The following RUFY3 variants were observed in gnomAD, a reference collection of about 807,000 sequenced individuals.
RUFY3 encodes the protein RUN and FYVE domain containing 3.
A neutral mutation model predicts 84.0 loss-of-function variants in RUFY3; 34 were observed. The ratio of observed to expected loss-of-function variants is 0.40; its 90% CI spans 0.31 to 0.54. The LOEUF is 0.54. Ranked by LOEUF, RUFY3 falls within the 20% of genes least tolerant of loss-of-function variation. The pLI is 0.39. For missense variants in RUFY3, 507 were observed against 736.8 expected (o/e 0.69, Z 3.61); for synonymous variants, 242 against 252.9 (o/e 0.96, Z 0.41).
intron 14 of RUFY3, among the ~76,000 whole-genome samples, chr4:70,797,729 G>C (rs540521195): frequency 3.3e-5 from 5 of 152,038 alleles, no homozygotes; most frequent in Non-Finnish European, 5.9e-5. Context: ...TATAATCCCA[G>C]CTACTCGGGA....
chr4:70,740,254 G>A (rs1259040460), intron 1 of RUFY3, among the ~76,000 whole-genome samples: 2 of 152,022 alleles, frequency 1.3e-5, no homozygotes, highest in Non-Finnish European at 2.9e-5. Flanking sequence ...AGTTTCTGGG[G>A]GAGAAAAGTT....
chr4:70,769,814 GTTTTTGTTTTTGT>G (rs1726656647), intron 5 of RUFY3, among the ~76,000 whole-genome samples: 1 of 151,562 alleles, frequency 6.6e-6, no homozygotes. Context: ...TTTTTGTTTT[GTTTTTGTTTTTGT>G]TTTTTGTTTT....
At chr4:70,728,881 CT>C (rs773797760) in intron 1 of RUFY3, among the ~76,000 whole-genome samples, 4,660 of 129,102 alleles carry the variant, frequency 0.036, 62 homozygotes, top group Middle Eastern at 0.063. Context: ...TTGGATATTT[CT>C]TTTTTTTTTT....
At chr4:70,736,723 G>A (rs376791430) in intron 1 of RUFY3, among the ~76,000 whole-genome samples, 4 of 151,856 alleles carry the variant, frequency 2.6e-5, no homozygotes, top group African/African-American at 9.7e-5. Flanking sequence ...AGGCGCTTTC[G>A]ACCATGTCCG....
chr4:70,730,511 G>A lies in RUFY3; in HGVS notation c.178+7760G>A, dbSNP rs886335197. On this transcript the variant is annotated intron_variant, in intron 1 of 17. Transcript: ENST00000381006. ...CCCAGCACTTTGGGAGGCTGAGGCG[G>A]GTGGATCACCTGAGGTCAGGAGTTC... Among the ~76,000 whole-genome samples the A allele has an allele frequency of 1.4e-3, 211 of 151,234 alleles. 1 individual carries two copies. The highest frequency in any genetic ancestry group is 2.0e-3 in the Non-Finnish European group (135 of 67,900).
chr4:70,768,111 A>G (rs540528083), intron 4 of RUFY3, among the ~76,000 whole-genome samples: 258 of 152,302 alleles, frequency 1.7e-3, no homozygotes, highest in Non-Finnish European at 3.4e-3. Flanking sequence ...CTGGGATTAC[A>G]GGTGCGAACC....
intron 4 of RUFY3, among the ~76,000 whole-genome samples, chr4:70,768,078 T>C (rs1726290155): frequency 6.6e-6 from 1 of 152,084 alleles, no homozygotes; most frequent in African/African-American, 2.4e-5. Context: ...CAAGCAGTCC[T>C]CCCGCCTTGG....
At chr4:70,705,659 T>G (rs1740228559) in intron 1 of RUFY3, among the ~76,000 whole-genome samples, 2 of 152,044 alleles carry the variant, frequency 1.3e-5, no homozygotes, top group Non-Finnish European at 2.9e-5. Context: ...CCTGGCCCTG[T>G]CCCGGGTCCC....
At chr4:70,761,750 T>G (rs1725071288) in intron 1 of RUFY3, among the ~76,000 whole-genome samples, 3 of 152,202 alleles carry the variant, frequency 2.0e-5, no homozygotes, top group Admixed American at 2.0e-4. Context: ...CTTAAAAATG[T>G]GGGAGTTGAT....
upstream of RUFY3, among the ~76,000 whole-genome samples, chr4:70,721,644 A>G (rs1742312328): frequency 6.6e-6 from 1 of 152,238 alleles, no homozygotes; most frequent in Admixed American, 6.5e-5. Flanking sequence ...CTATGTAGAT[A>G]AGAATGAAAG....
At chr4:70,739,727 A>G (rs938338368) in intron 1 of RUFY3, among the ~76,000 whole-genome samples, 1 of 152,020 alleles carries the variant, frequency 6.6e-6, no homozygotes, top group African/African-American at 2.4e-5. Context: ...CCCTGTAGAA[A>G]AGGAGCTTCA....
At chr4:70,783,066 AT>A in intron 8 of RUFY3, 24 bp from the exon 9 acceptor site, 1 of 1,380,162 alleles carries the variant, frequency 7.2e-7, no homozygotes, top group Non-Finnish European at 1.0e-6. Flanking sequence ...AAGATAAAAG[AT>A]TATTTTTAAA....
chr4:70,762,055 C>T (rs540780435), intron 1 of RUFY3, among the ~76,000 whole-genome samples: 1 of 152,204 alleles, frequency 6.6e-6, no homozygotes, highest in African/African-American at 2.4e-5. Context: ...GTGGCTCACG[C>T]GTATTATCCC....
At chr4:70,744,870 G>T (rs985250915) in intron 1 of RUFY3, among the ~76,000 whole-genome samples, 1 of 151,872 alleles carries the variant, frequency 6.6e-6, no homozygotes, top group African/African-American at 2.4e-5. Context: ...GGCTAGGCTG[G>T]TCTCGAACTC....
intron 12 of RUFY3, chr4:70,791,617 A>T (rs1031830646): frequency 1.8e-6 from 2 of 1,118,500 alleles, no homozygotes; most frequent in African/African-American, 3.3e-5. Context: ...AGCTCTGTAC[A>T]TATACTAATG....
At chr4:70,798,187 G>A (rs1466660050) in intron 14 of RUFY3, among the ~76,000 whole-genome samples, 2 of 151,882 alleles carry the variant, frequency 1.3e-5, no homozygotes, top group East Asian at 3.9e-4. Flanking sequence ...GGGCAACATA[G>A]GAAGACCTCA....
Position 70,722,672 on chromosome 4 carries a change from G to T in RUFY3, c.99G>T (p.Val33=). 1 of 1,614,076 alleles carries T rather than the reference G, an allele frequency of 6.2e-7. No homozygotes were observed. The highest frequency in any genetic ancestry group is 8.5e-7 in the Non-Finnish European group (1 of 1,180,018). ...METIYLCKFR[V]SMDGEWLCLR... ...CCATCTACCTTTGCAAATTCCGAGT[G>T]TCCATGGATGGAGAATGGCTCTGCC... The change falls in exon 1 of 18, where the codon GTG becomes GTT. Residue 33 remains valine (V), a synonymous_variant. Coordinates refer to ENST00000381006, the MANE Select transcript of RUFY3 (RefSeq NM_001037442.4).
intron 10 of RUFY3, among the ~76,000 whole-genome samples, chr4:70,786,385 GTTTT>G (rs111568807): frequency 6.8e-6 from 1 of 146,742 alleles, no homozygotes; most frequent in Non-Finnish European, 1.5e-5. Context: ...TAGAAGAAAG[GTTTT>G]TTTTTTTCTT....
chr4:70,797,231 C>A (rs1461389490), intron 14 of RUFY3, among the ~76,000 whole-genome samples: 1 of 152,124 alleles, frequency 6.6e-6, no homozygotes, highest in African/African-American at 2.4e-5. Flanking sequence ...GCATGAGCCA[C>A]CGTGCCCAGC....
Sources: allele counts gnomAD v4.1 joint callset (sites outside exome capture counted in the v4.1 genomes callset), GRCh38; gene constraint gnomAD v4.1.1; transcripts MANE v1.5; gene names NCBI Gene and HGNC (gene_info 2026-07-23, HGNC 2026-07-21).